PPP4R4: variants seen among roughly 807,000 people sequenced by gnomAD.
PPP4R4 encodes serine/threonine-protein phosphatase 4 regulatory subunit 4.
PPP4R4 carries 70 observed loss-of-function variants against 121.8 expected under a neutral mutation model. That is an observed-to-expected ratio of 0.57 (90% CI 0.47 to 0.70). The LOEUF (loss-of-function observed/expected upper bound fraction) is 0.70. Ranked by LOEUF, PPP4R4 falls within the 30% of genes least tolerant of loss-of-function variation. The pLI, the probability that PPP4R4 is intolerant of heterozygous loss-of-function variation, is 0.00. For missense variants in PPP4R4, 875 were observed against 1,033.6 expected, an observed-to-expected ratio of 0.85 and a Z score of 2.10; for synonymous variants, 348 against 355.7, an observed-to-expected ratio of 0.98 and a Z score of 0.24.
chr14:94,271,707 G>C (rs1358844260), intron 23 of PPP4R4, among the ~76,000 whole-genome samples: 1 of 152,164 alleles, frequency 6.6e-6, no homozygotes, highest in Non-Finnish European at 1.5e-5. Context: ...AATTGTCTTT[G>C]ATCACAGATA....
chr14:94,192,684 A>G (rs1889663356), intron 2 of PPP4R4, among the ~76,000 whole-genome samples: 1 of 152,190 alleles, frequency 6.6e-6, no homozygotes, highest in African/African-American at 2.4e-5. Context: ...ATAGTTGAAC[A>G]GTAGCAAAGC....
chr14:94,184,291 G>A (rs947518815), intron 2 of PPP4R4, among the ~76,000 whole-genome samples: 13 of 151,942 alleles, frequency 8.6e-5, no homozygotes, highest in Non-Finnish European at 1.8e-4. Context: ...ACACGGTCTT[G>A]CTCTGTTCCC....
chr14:94,256,303 C>A lies in PPP4R4; in HGVS notation c.1866-157C>A, dbSNP rs138730548. On this transcript the variant is annotated intron_variant, in intron 16 of 24. Coordinates refer to ENST00000304338, the MANE Select transcript of PPP4R4 (RefSeq NM_058237.2). ...TTTATTTACTGTTGTATCTCAGCAT[C>A]CAGAATGATGAATGTTTGACACATA... Among the ~76,000 whole-genome samples the A allele has an allele frequency of 1.4e-3, 213 of 152,264 alleles. 2 individuals carry two copies. The highest frequency in any genetic ancestry group is 5.0e-3 in the African/African-American group (206 of 41,554).
intron 17 of PPP4R4, among the ~76,000 whole-genome samples, chr14:94,258,508 T>C (rs1357215240): frequency 6.6e-6 from 1 of 152,202 alleles, no homozygotes; most frequent in Non-Finnish European, 1.5e-5. Flanking sequence ...AGAAATTAGT[T>C]AGATTATATG....
At chr14:94,244,229 C>T (rs1311847458) in intron 11 of PPP4R4, among the ~76,000 whole-genome samples, 2 of 152,140 alleles carry the variant, frequency 1.3e-5, no homozygotes, top group Admixed American at 6.5e-5. Flanking sequence ...CACTGTAGGC[C>T]TTCAGTAGAA....
At chr14:94,225,638 A>T (rs1422553991) in intron 3 of PPP4R4, among the ~76,000 whole-genome samples, 1 of 152,184 alleles carries the variant, frequency 6.6e-6, no homozygotes, top group Non-Finnish European at 1.5e-5. Flanking sequence ...CAGTGCCTTG[A>T]ACATAATTGA....
At chr14:94,227,909 G>A in intron 3 of PPP4R4, 1 of 972,196 alleles carries the variant, frequency 1.0e-6, no homozygotes, top group Non-Finnish European at 1.2e-6. Context: ...ACCCCAAATT[G>A]TTAGTGTGGA....
intron 11 of PPP4R4, 34 bp from the exon 12 acceptor site, chr14:94,244,601 C>G: frequency 4.9e-6 from 7 of 1,433,060 alleles, no homozygotes; most frequent in Non-Finnish European, 6.6e-6. Context: ...GTCTAGTACT[C>G]TCAAATCTGA....
chr14:94,246,980 C>G (rs1697235268), intron 14 of PPP4R4, among the ~76,000 whole-genome samples: 1 of 152,166 alleles, frequency 6.6e-6, no homozygotes, highest in Admixed American at 6.5e-5. Flanking sequence ...CTTAAGCTTC[C>G]TACTATAAGT....
intron 2 of PPP4R4, among the ~76,000 whole-genome samples, chr14:94,205,938 T>C (rs995673550): frequency 6.6e-6 from 1 of 152,008 alleles, no homozygotes; most frequent in African/African-American, 2.4e-5. Flanking sequence ...GAATGGAATG[T>C]GTATTCTGCT....
At chr14:94,202,258 T>G (rs1437467915) in intron 2 of PPP4R4, among the ~76,000 whole-genome samples, 1 of 152,104 alleles carries the variant, frequency 6.6e-6, no homozygotes, top group African/African-American at 2.4e-5. Context: ...GCTGAAGAAC[T>G]TATTCATATA....
At chr14:94,177,511 G>A (rs914490504) in intron 2 of PPP4R4, among the ~76,000 whole-genome samples, 1 of 152,174 alleles carries the variant, frequency 6.6e-6, no homozygotes, top group South Asian at 2.1e-4. Context: ...TTTACTCAAA[G>A]TAGGTAGAAA....
chr14:94,250,370 T>A, intron 15 of PPP4R4, 93 bp downstream of exon 15: 1 of 796,098 alleles, frequency 1.3e-6, no homozygotes, highest in Non-Finnish European at 2.1e-6. Context: ...TTGCTGTGAA[T>A]AATTAGGTTA....
intron 6 of PPP4R4, 81 bp downstream of exon 6, chr14:94,233,840 G>A (rs2139541660): frequency 1.1e-6 from 1 of 937,180 alleles, no homozygotes; most frequent in Non-Finnish European, 1.7e-6. Context: ...ATATATTTGT[G>A]TTATTTCATA....
chr14:94,200,450 A>C (rs1890113535), intron 2 of PPP4R4, among the ~76,000 whole-genome samples: 1 of 152,174 alleles, frequency 6.6e-6, no homozygotes, highest in African/African-American at 2.4e-5. Context: ...TTCAGCTGTG[A>C]ATCTGTCTAG....
chr14:94,208,599 C>T (rs1328573896), intron 3 of PPP4R4, 33 bp downstream of exon 3: 1 of 1,522,000 alleles, frequency 6.6e-7, no homozygotes, highest in Non-Finnish European at 9.1e-7. Context: ...TGGAGTTTCC[C>T]ATTTTTTCCC....
chr14:94,214,601 G>A (rs913247056), intron 3 of PPP4R4, among the ~76,000 whole-genome samples: 1 of 151,806 alleles, frequency 6.6e-6, no homozygotes, highest in African/African-American at 2.4e-5. Context: ...TATGTCTCCT[G>A]TATATGGGTA....
Position 94,174,572 on chromosome 14 carries a change from G to A in PPP4R4, c.107G>A (p.Arg36Gln), listed in dbSNP as rs770060960. The A allele has an allele frequency of 2.5e-6, 4 of 1,611,464 alleles. No homozygotes were observed. Among genetic ancestry groups the A allele is most frequent in the Non-Finnish European group, 3.4e-6 (4 of 1,178,960 alleles). The change falls in exon 1 of 25, where the codon CGG becomes CAG. Residue 36 changes from arginine (R) to glutamine (Q), a missense_variant. By Grantham distance (43) the Arg-to-Gln change is conservative. Transcript: ENST00000304338. ...ACCATCATCGAGAGGCCGGTCCGCCGGAGCCTCAAGGTGCGCCCCGGGGAG... is the reference window on the plus strand; with the variant it reads ...ACCATCATCGAGAGGCCGGTCCGCCAGAGCCTCAAGGTGCGCCCCGGGGAG... ...ELTIIERPVR[R>Q]SLKTPEEIER...
intron 3 of PPP4R4, among the ~76,000 whole-genome samples, chr14:94,228,260 T>A (rs1302695478): frequency 6.6e-6 from 1 of 152,206 alleles, no homozygotes; most frequent in African/African-American, 2.4e-5. Flanking sequence ...CATGCCTTAA[T>A]AAATGATGAA....
Sources: allele counts gnomAD v4.1 joint callset (sites outside exome capture counted in the v4.1 genomes callset), GRCh38; gene constraint gnomAD v4.1.1; transcripts MANE v1.5; gene names NCBI Gene and HGNC (gene_info 2026-07-23, HGNC 2026-07-21).